Variants in EVI5 observed in about 807,000 individuals in gnomAD.
EVI5 encodes the protein ecotropic viral integration site 5 protein homolog.
EVI5 carries 73 observed loss-of-function variants against 112.0 expected under a neutral mutation model. The ratio of observed to expected loss-of-function variants is 0.65; its 90% confidence interval spans 0.54 to 0.79. EVI5 has a LOEUF of 0.79. Ranked by LOEUF, EVI5 falls within the 30% of genes least tolerant of loss-of-function variation. EVI5 has a pLI of 0.00. For missense variants in EVI5, 900 were observed against 968.8 expected (o/e 0.93, Z 0.94); for synonymous variants, 305 against 319.9 (o/e 0.95, Z 0.50).
At position 92,628,722 on chromosome 1, in the gene EVI5, C is replaced by T. The variant is rs377507023; in HGVS notation, c.1528-2788G>A. Among the ~76,000 whole-genome samples, 27 of 152,292 alleles carry T rather than the reference C, an allele frequency of 1.8e-4. No homozygotes were observed. The East Asian group carries it at 2.5e-3, about 14-fold the overall frequency. On this transcript the variant is annotated intron_variant, in intron 14 of 19. Transcript: ENST00000684568. The stretch of plus-strand genomic sequence containing the variant: ...GATAAAAAGGTAAACTGAGGTAACA[C>T]TGAGATTTCAAGGCCTGATTCTATG...
rs1398584703 is a variant in EVI5 at position 92,720,062 on chromosome 1, A to T, written c.150-15318T>A. Among the ~76,000 whole-genome samples, 4 of 152,136 alleles carry T rather than the reference A, an allele frequency of 2.6e-5. No homozygotes were observed. In the South Asian group the frequency reaches 8.3e-4, roughly 32 times the overall value. ...AATGGAAGAACATTCCATGCTCATG[A>T]ATAGGAAGAATCAATACTGTGAAAA... is the stretch of plus-strand genomic sequence containing the variant. On this transcript the variant is annotated intron_variant, in intron 2 of 19. Coordinates refer to ENST00000684568, the MANE Select transcript of EVI5 (RefSeq NM_001350197.2).
intron 2 of EVI5, among the ~76,000 whole-genome samples, chr1:92,731,080 T>C (rs1008987630): frequency 1.3e-5 from 2 of 152,178 alleles, no homozygotes; most frequent in African/African-American, 2.4e-5. Flanking sequence ...TCCCAGCACT[T>C]TGGGAGGCCG....
At chr1:92,685,412 G>A (rs891366771) in intron 9 of EVI5, among the ~76,000 whole-genome samples, 1 of 152,150 alleles carries the variant, frequency 6.6e-6, no homozygotes, top group African/African-American at 2.4e-5. Context: ...AGTGTGTAGA[G>A]GGAAATTTAT....
At chr1:92,704,888 TG>T (rs1671732969) in intron 2 of EVI5, 144 bp from the exon 3 acceptor site, 1 of 401,198 alleles carries the variant, frequency 2.5e-6, no homozygotes, top group Non-Finnish European at 4.3e-6. Context: ...AAATAAATTT[TG>T]GTCACATCAA....
At chr1:92,787,320 C>T (rs894358995), upstream of EVI5, among the ~76,000 whole-genome samples, 2 of 152,140 alleles carry the variant, frequency 1.3e-5, no homozygotes, top group African/African-American at 4.8e-5. Flanking sequence ...TGGGTTGTCA[C>T]AAGATTCTTT....
At chr1:92,779,790 T>TCACAGAATCACAGAAAGG (rs1684626643) in intron 1 of EVI5, among the ~76,000 whole-genome samples, 2 of 152,124 alleles carry the variant, frequency 1.3e-5, no homozygotes, top group African/African-American at 4.8e-5. Flanking sequence ...TTTGGCTAAC[T>TCACAGAATCACAGAAAGG]CACAGAATCA....
At chr1:92,557,726 CTTT>C (rs946289802) in intron 19 of EVI5, among the ~76,000 whole-genome samples, 1 of 143,950 alleles carries the variant, frequency 6.9e-6, no homozygotes, top group Admixed American at 7.0e-5. Flanking sequence ...CCGAAGAAAA[CTTT>C]TTTTTTTTTT....
At chr1:92,543,522 T>C (rs1318321861) in intron 19 of EVI5, among the ~76,000 whole-genome samples, 1 of 152,208 alleles carries the variant, frequency 6.6e-6, no homozygotes, top group African/African-American at 2.4e-5. Context: ...TCATTTGTGT[T>C]TTCAGTGGAG....
intron 2 of EVI5, among the ~76,000 whole-genome samples, chr1:92,706,381 G>A (rs1671975066): frequency 6.6e-6 from 1 of 152,118 alleles, no homozygotes; most frequent in African/African-American, 2.4e-5. Context: ...TAAACCCTAA[G>A]AATTGTAAAT....
chr1:92,673,611 C>T (rs1267370093), intron 10 of EVI5, among the ~76,000 whole-genome samples: 1 of 152,036 alleles, frequency 6.6e-6, no homozygotes, highest in African/African-American at 2.4e-5. Context: ...GGATTATAGG[C>T]GTGAGCCACC....
At chr1:92,522,434 G>A (rs1488228864) in intron 19 of EVI5, among the ~76,000 whole-genome samples, 1 of 151,940 alleles carries the variant, frequency 6.6e-6, no homozygotes, top group East Asian at 1.9e-4. Flanking sequence ...TCAGGAGCTT[G>A]AGACCAGCCT....
chr1:92,697,315 A>G (rs368100762), intron 6 of EVI5, among the ~76,000 whole-genome samples: 4 of 152,138 alleles, frequency 2.6e-5, no homozygotes, highest in African/African-American at 9.7e-5. Context: ...AAAATACTTC[A>G]AAGGTATTTT....
At chr1:92,784,624 G>T (rs1017396074) in intron 1 of EVI5, 3 of 306,962 alleles carry the variant, frequency 9.8e-6, no homozygotes, top group Admixed American at 1.3e-4. Context: ...CCACGAGAAG[G>T]AGGGCTGCGG....
chr1:92,728,464 T>C (rs1260459490), intron 2 of EVI5, among the ~76,000 whole-genome samples: 1 of 151,924 alleles, frequency 6.6e-6, no homozygotes, highest in East Asian at 1.9e-4. Context: ...CTCTGCTCAC[T>C]GCAATCTCTG....
intron 1 of EVI5, among the ~76,000 whole-genome samples, chr1:92,783,542 G>A (rs1244382851): frequency 6.7e-6 from 1 of 149,992 alleles, no homozygotes; most frequent in Admixed American, 6.6e-5. Context: ...GGCCGGGCAC[G>A]GTGGCTCACG....
At chr1:92,603,607 T>C (rs1486636033) in intron 18 of EVI5, among the ~76,000 whole-genome samples, 4 of 152,058 alleles carry the variant, frequency 2.6e-5, no homozygotes, top group Non-Finnish European at 5.9e-5. Context: ...ATTTATAAAC[T>C]TCCAATTTTT....
intron 18 of EVI5, among the ~76,000 whole-genome samples, chr1:92,593,243 C>T (rs1674303826): frequency 6.6e-6 from 1 of 152,138 alleles, no homozygotes; most frequent in South Asian, 2.1e-4. Context: ...GGTTTCATCC[C>T]TGGGATGCAA....
chr1:92,703,410 T>C lies in EVI5; in HGVS notation c.549A>G (p.Leu183=). ...TAAAACTTACCTTCATTACATTAAA[T>C]AAAACCTCCTGTCCAAGGCTATCTT... ...KEKDSLGQEV[L]FNVMKAYSLV... Residue 183 remains leucine (L), a synonymous_variant, in exon 4 of 20, where the codon TTA becomes TTG. Transcript: ENST00000684568. 6.4e-7 allele frequency: 1 copy of C among 1,563,106 alleles called. No homozygotes were observed. Among genetic ancestry groups the C allele is most frequent in the Non-Finnish European group, 8.6e-7 (1 of 1,158,240 alleles).
At chr1:92,700,843 AC>A (rs1671034871) in intron 5 of EVI5, 1 of 152,234 alleles carries the variant, frequency 6.6e-6, no homozygotes, top group South Asian at 2.1e-4. Flanking sequence ...ATCTACCAAT[AC>A]TAAATAAAGT....
Sources: allele counts gnomAD v4.1 joint callset (sites outside exome capture counted in the v4.1 genomes callset), GRCh38; gene constraint gnomAD v4.1.1; transcripts MANE v1.5; gene names NCBI Gene and HGNC (gene_info 2026-07-23, HGNC 2026-07-21).